The following FAT3 variants were observed in gnomAD, a reference collection of about 807,000 sequenced individuals.
FAT3 encodes the protein protocadherin Fat 3.
In FAT3, 95 loss-of-function variants were observed where a neutral mutation model predicts 310.2. The ratio of observed to expected loss-of-function variants is 0.31; its 90% confidence interval spans 0.26 to 0.36. The LOEUF (loss-of-function observed/expected upper bound fraction) is 0.36. Ranked by LOEUF, FAT3 falls within the 10% of genes least tolerant of loss-of-function variation. FAT3 has a pLI of 1.00. For synonymous variants in FAT3, 2,314 were observed against 2,192.9 expected (o/e 1.06, Z -1.54); for missense variants, 5,408 against 5,715.6 (o/e 0.95, Z 1.74).
chr11:92,315,974 T>C (rs2134473996), intron 1 of FAT3, among the ~76,000 whole-genome samples: 1 of 152,282 alleles, frequency 6.6e-6, no homozygotes, highest in Middle Eastern at 3.4e-3. Context: ...TAATAATGCA[T>C]TGATCTCAAG....
intron 6 of FAT3, among the ~76,000 whole-genome samples, chr11:92,770,284 A>G (rs1336721662): frequency 6.6e-6 from 1 of 152,176 alleles, no homozygotes; most frequent in Non-Finnish European, 1.5e-5. Context: ...TATACTATTA[A>G]TAGTTTTAAG....
chr11:92,406,600 G>T (rs562847279), intron 2 of FAT3: 1 of 152,274 alleles, frequency 6.6e-6, no homozygotes, highest in African/African-American at 2.4e-5. Flanking sequence ...TCGTCACCTG[G>T]ATTAATTTGC....
At chr11:92,649,843 G>A (rs926660971) in intron 3 of FAT3, among the ~76,000 whole-genome samples, 16 of 133,642 alleles carry the variant, frequency 1.2e-4, no homozygotes, top group South Asian at 4.7e-4. Flanking sequence ...TTCTTTAAGC[G>A]AGCATTTGTT....
intron 3 of FAT3, among the ~76,000 whole-genome samples, chr11:92,666,658 C>T (rs1942964574): frequency 6.6e-6 from 1 of 152,012 alleles, no homozygotes; most frequent in Admixed American, 6.6e-5. Context: ...CTGTGCCCAG[C>T]ATTGAAGGAC....
intron 3 of FAT3, among the ~76,000 whole-genome samples, chr11:92,684,201 A>C (rs968076484): frequency 2.0e-5 from 3 of 152,216 alleles, no homozygotes; most frequent in Non-Finnish European, 4.4e-5. Context: ...GTTGGTTTTT[A>C]AATGGGTACC....
intron 2 of FAT3, among the ~76,000 whole-genome samples, chr11:92,459,379 T>C (rs1310821696): frequency 1.3e-5 from 2 of 151,924 alleles, no homozygotes; most frequent in Non-Finnish European, 2.9e-5. Flanking sequence ...GTGGAAAGAG[T>C]GAAGGAGCAG....
chr11:92,656,054 A>G lies in FAT3; in HGVS notation c.3608-41330A>G, dbSNP rs547295211. ...TGTGAGATACTTGAAATATTTGCCCATCTCGCTGCCAGAGGCCCACAGAGT... is the reference window on the plus strand; with the variant it reads ...TGTGAGATACTTGAAATATTTGCCCGTCTCGCTGCCAGAGGCCCACAGAGT... On this transcript the variant is annotated intron_variant, in intron 3 of 27. Coordinates refer to ENST00000525166, the MANE Select transcript of FAT3 (RefSeq NM_001367949.2). Among the ~76,000 whole-genome samples the G allele has an allele frequency of 2.6e-5, 4 of 152,282 alleles. 1 individual carries two copies. Among genetic ancestry groups the G allele is most frequent in the South Asian group, 4.1e-4 (2 of 4,824 alleles).
chr11:92,416,992 C>T (rs1214385286), intron 2 of FAT3, among the ~76,000 whole-genome samples: 1 of 152,094 alleles, frequency 6.6e-6, no homozygotes, highest in Non-Finnish European at 1.5e-5. Flanking sequence ...TGGAAAATAC[C>T]AGTCAGACAG....
chr11:92,738,792 ACT>A (rs1945423545), intron 4 of FAT3, among the ~76,000 whole-genome samples: 1 of 152,040 alleles, frequency 6.6e-6, no homozygotes, highest in Non-Finnish European at 1.5e-5. Context: ...AAGCTGAGTG[ACT>A]CTGGGCAAAG....
At chr11:92,301,517 C>G (rs947226925) in intron 1 of FAT3, among the ~76,000 whole-genome samples, 1 of 152,078 alleles carries the variant, frequency 6.6e-6, no homozygotes, top group African/African-American at 2.4e-5. Context: ...CAACAAGTCA[C>G]CTTTACACTT....
At chr11:92,704,966 T>C (rs201934380) in intron 4 of FAT3, among the ~76,000 whole-genome samples, 1 of 152,184 alleles carries the variant, frequency 6.6e-6, no homozygotes, top group East Asian at 1.9e-4. Flanking sequence ...TCATGCTCCA[T>C]ATTCCAAGGG....
At chr11:92,849,688 A>G (rs764979815) in intron 19 of FAT3, among the ~76,000 whole-genome samples, 3 of 152,224 alleles carry the variant, frequency 2.0e-5, no homozygotes, top group Admixed American at 6.5e-5. Flanking sequence ...CAAGAAAGAC[A>G]TTGGAAGCAA....
chr11:92,610,653 G>A (rs1940519833), intron 3 of FAT3, among the ~76,000 whole-genome samples: 1 of 151,946 alleles, frequency 6.6e-6, no homozygotes, highest in South Asian at 2.1e-4. Flanking sequence ...GATCAGCTTG[G>A]GTTCCTTTTT....
intron 3 of FAT3, among the ~76,000 whole-genome samples, chr11:92,546,917 C>T (rs928058503): frequency 6.6e-6 from 1 of 152,106 alleles, no homozygotes; most frequent in African/African-American, 2.4e-5. Context: ...TTCAATCACC[C>T]CAAATGACAC....
At chr11:92,620,075 C>A (rs1410408003) in intron 3 of FAT3, among the ~76,000 whole-genome samples, 1 of 152,020 alleles carries the variant, frequency 6.6e-6, no homozygotes, top group African/African-American at 2.4e-5. Context: ...CAAAGTATTT[C>A]TAATTTCTCT....
At chr11:92,775,533 C>A (rs1201216261) in intron 7 of FAT3, among the ~76,000 whole-genome samples, 1 of 152,144 alleles carries the variant, frequency 6.6e-6, no homozygotes, top group Non-Finnish European at 1.5e-5. Flanking sequence ...ATCCTCCAAC[C>A]TGTGTCCTTT....
At chr11:92,733,159 T>G (rs895472138) in intron 4 of FAT3, among the ~76,000 whole-genome samples, 21 of 152,142 alleles carry the variant, frequency 1.4e-4, no homozygotes, top group Middle Eastern at 3.2e-3. Context: ...GTCAGAAGGC[T>G]ACGTATGCCT....
intron 26 of FAT3, 66 bp from the exon 27 acceptor site, chr11:92,889,790 T>C (rs1949875718): frequency 5.6e-6 from 4 of 715,746 alleles, no homozygotes; most frequent in Admixed American, 2.0e-5. Context: ...ATCTCAAATG[T>C]TCTGTTTTAT....
At position 92,801,924 on chromosome 11, in the gene FAT3, C is replaced by G. The variant is rs748812073; in HGVS notation, c.8896+15C>G. ...CCATATTACAGGTGAGTAAATACCC[C>G]CAGTTTTCATTATGTGCACTGCTTT... is the stretch of plus-strand genomic sequence containing the variant. On this transcript the variant is annotated intron_variant, in intron 10 of 27. Transcript: ENST00000525166. 6.2e-7 allele frequency: 1 copy of G among 1,604,002 alleles called. No individual in the cohort carries two copies. Among genetic ancestry groups the G allele is most frequent in the South Asian group, 1.1e-5 (1 of 90,042 alleles).
Sources: allele counts gnomAD v4.1 joint callset (sites outside exome capture counted in the v4.1 genomes callset), GRCh38; gene constraint gnomAD v4.1.1; transcripts MANE v1.5; gene names NCBI Gene and HGNC (gene_info 2026-07-23, HGNC 2026-07-21).